The following MSH4 variants were observed in gnomAD, a reference collection of about 807,000 sequenced individuals.
MSH4 encodes the protein mutS protein homolog 4.
Under a neutral mutation model 113.7 loss-of-function variants are expected in MSH4, and 106 were observed. The ratio of observed to expected loss-of-function variants is 0.93; its 90% CI spans 0.80 to 1.10. The LOEUF is 1.10. Among genes scored for constraint, MSH4 ranks in the 50% least tolerant of loss-of-function variants. The pLI is 0.00. For missense variants in MSH4, 1,061 were observed against 1,093.7 expected (o/e 0.97, Z 0.42); for synonymous variants, 368 against 380.2 (o/e 0.97, Z 0.37).
intron 17 of MSH4, among the ~76,000 whole-genome samples, chr1:75,896,582 T>A (rs1652389848): frequency 6.6e-6 from 1 of 152,048 alleles, no homozygotes; most frequent in Non-Finnish European, 1.5e-5. Context: ...TATTCTACAA[T>A]AGTTTAAAAT....
At chr1:75,856,277 TTTTC>T (rs997829121) in intron 8 of MSH4, among the ~76,000 whole-genome samples, 5 of 152,046 alleles carry the variant, frequency 3.3e-5, no homozygotes, top group Admixed American at 6.6e-5. Context: ...TCCCATCCTT[TTTTC>T]TTTCTTTCTT....
chr1:75,879,505 G>A (rs1186052233), intron 12 of MSH4, among the ~76,000 whole-genome samples: 3 of 152,158 alleles, frequency 2.0e-5, no homozygotes, highest in Non-Finnish European at 4.4e-5. Context: ...CCAAACCTTT[G>A]TACCACAGGA....
chr1:75,851,225 T>C (rs1167992151), intron 8 of MSH4, among the ~76,000 whole-genome samples: 1 of 151,982 alleles, frequency 6.6e-6, no homozygotes, highest in Non-Finnish European at 1.5e-5. Context: ...CCATCGTTTT[T>C]TTTTTCATTT....
intron 18 of MSH4, among the ~76,000 whole-genome samples, chr1:75,899,239 C>T (rs114980598): frequency 0.01 from 1,573 of 152,222 alleles, 37 homozygotes; most frequent in African/African-American, 0.036. Flanking sequence ...GTAGTGTTAT[C>T]CCTGTGACTA....
At chr1:75,798,806 C>T (rs932209165) in intron 1 of MSH4, among the ~76,000 whole-genome samples, 3 of 152,178 alleles carry the variant, frequency 2.0e-5, no homozygotes, top group African/African-American at 4.8e-5. Flanking sequence ...GATCCTCCTA[C>T]CTCAGCCTCC....
chr1:75,886,386 G>A (rs866004411), intron 15 of MSH4, among the ~76,000 whole-genome samples: 6 of 74,452 alleles, frequency 8.1e-5, no homozygotes, highest in African/African-American at 3.1e-4. Context: ...ATTATATATG[G>A]TATATATGAT....
Position 75,820,149 on chromosome 1 carries a change from A to G in MSH4, c.990-2260A>G, listed in dbSNP as rs531591415. 1.8e-4 allele frequency among the ~76,000 whole-genome samples: 27 copies of G among 152,328 alleles called. 1 individual carries two copies. The highest frequency in any genetic ancestry group is 6.2e-4 in the South Asian group (3 of 4,824). Reference sequence around the variant, plus strand: ...TATAAAAGCCCCTCCACCCTTAAGGATATATTATTAATATCTTGCTATTAT... The same window carrying G: ...TATAAAAGCCCCTCCACCCTTAAGGGTATATTATTAATATCTTGCTATTAT... On this transcript the variant is annotated intron_variant, in intron 6 of 19. Transcript: ENST00000263187.
intron 19 of MSH4, among the ~76,000 whole-genome samples, chr1:75,908,751 T>C: frequency 6.6e-6 from 1 of 152,180 alleles, no homozygotes; most frequent in East Asian, 1.9e-4. Flanking sequence ...AGAAGTTCTT[T>C]GCAATTGTCT....
intron 17 of MSH4, among the ~76,000 whole-genome samples, chr1:75,896,610 T>C (rs990847833): frequency 6.6e-6 from 1 of 152,070 alleles, no homozygotes; most frequent in Non-Finnish European, 1.5e-5. Context: ...TTAGTATTAC[T>C]TTACAATATT....
chr1:75,877,437 A>G (rs1651838895), intron 10 of MSH4, among the ~76,000 whole-genome samples: 1 of 152,212 alleles, frequency 6.6e-6, no homozygotes, highest in African/African-American at 2.4e-5. Context: ...TGTGGACTGA[A>G]GAACTACTGG....
At chr1:75,893,600 G>T (rs113322563) in intron 17 of MSH4, among the ~76,000 whole-genome samples, 1 of 152,136 alleles carries the variant, frequency 6.6e-6, no homozygotes, top group African/African-American at 2.4e-5. Context: ...TCCTCAAGTC[G>T]CACTTCCACC....
At chr1:75,906,520 T>TAATATATA (rs1553140429) in intron 19 of MSH4, among the ~76,000 whole-genome samples, 1 of 698 alleles carries the variant, frequency 1.4e-3, no homozygotes, top group African/African-American at 5.1e-3. Context: ...ATATAATATG[T>TAATATATA]ATATATTATA....
intron 7 of MSH4, among the ~76,000 whole-genome samples, chr1:75,833,512 A>G (rs1004928709): frequency 1.3e-5 from 2 of 152,228 alleles, no homozygotes; most frequent in African/African-American, 4.8e-5. Context: ...AGATGGAGGC[A>G]TCACGCTACA....
rs1225571169 is a variant in MSH4, at chr1:75,899,654, C to T, written c.2567C>T (p.Ser856Leu). The change falls in exon 19 of 20, where the codon TCA (serine) becomes TTA (leucine). Residue 856 changes from serine to leucine, a missense_variant. By Grantham distance (145) the Ser-to-Leu change is moderately radical. Transcript: ENST00000263187. ...KAAEVSSLPP[S>L]IVLDAKEITT... ...GCAGAGGTGTCATCACTTCCACCAT[C>T]AATTGTCTTGGATGCCAAGGAAATC... 1 of 1,513,034 alleles carries T rather than the reference C, an allele frequency of 6.6e-7. No homozygotes were observed. The highest frequency in any genetic ancestry group is 2.4e-5 in the Admixed American group (1 of 41,346). 93.7% of individuals were successfully genotyped at this position (1,513,034 alleles called of 1,614,324 possible). A position where few individuals can be genotyped will look rare whatever the true frequency, so the allele number is the denominator to read the frequency against.
chr1:75,797,033 T>G lies in MSH4; in HGVS notation c.48T>G (p.Val16=), dbSNP rs533199424. The change falls in exon 1 of 20, where the codon GTT becomes GTG. Residue 16 remains valine, a synonymous_variant. Transcript: ENST00000263187. ...CAACCTCGCCTTCTGCCCCGGCGGT[T>G]TCCCCGTCGTCGGGAGAAACCCGCT... The part of the protein sequence containing the change: ...ISSTSPSAPA[V]SPSSGETRSP... 1.9e-6 allele frequency: 3 copies of G among 1,614,050 alleles called. No individual in the cohort carries two copies. In the South Asian group the frequency reaches 3.3e-5, roughly 18 times the overall value.
intron 8 of MSH4, among the ~76,000 whole-genome samples, chr1:75,859,743 T>C (rs1054174377): frequency 1.3e-5 from 2 of 152,212 alleles, no homozygotes; most frequent in African/African-American, 4.8e-5. Context: ...TTCTGTTTAT[T>C]TGGGGTGGAG....
rs373663010 is a variant in MSH4, at chr1:75,863,078, T to G, written c.1231-4436T>G. Among the ~76,000 whole-genome samples the G allele has an allele frequency of 2.0e-4, 31 of 152,282 alleles. No homozygotes were observed. In the East Asian group the frequency reaches 5.6e-3, roughly 27 times the overall value. ...ATTAAAGATATTTTTCTAATTTTTA[T>G]CATGAGTTTTTTGCATCATTTTGAA... On this transcript the variant is annotated intron_variant, in intron 8 of 19. Transcript: ENST00000263187.
intron 3 of MSH4, among the ~76,000 whole-genome samples, chr1:75,809,962 T>G (rs1650152989): frequency 6.6e-6 from 1 of 152,130 alleles, no homozygotes; most frequent in Non-Finnish European, 1.5e-5. Context: ...ATAGTTACCC[T>G]TATTGGATGT....
chr1:75,847,472 T>A (rs1314154205), intron 7 of MSH4, among the ~76,000 whole-genome samples: 1 of 152,214 alleles, frequency 6.6e-6, no homozygotes, highest in African/African-American at 2.4e-5. Flanking sequence ...AAGAAAATTA[T>A]GATAGACAAT....
Sources: gnomAD v4.1 joint callset for allele counts (sites outside exome capture counted in the v4.1 genomes callset) on GRCh38, gnomAD v4.1.1 for gene constraint, MANE v1.5 for transcripts, NCBI Gene and HGNC (gene_info 2026-07-23, HGNC 2026-07-21) for gene names.